Variants in SPECC1 observed in about 807,000 individuals in gnomAD.
SPECC1 encodes sperm antigen with calponin homology and coiled-coil domains 1.
SPECC1 carries 62 observed loss-of-function variants against 104.1 expected under a neutral mutation model. The ratio of observed to expected loss-of-function variants is 0.60; its 90% confidence interval spans 0.49 to 0.74. The LOEUF (loss-of-function observed/expected upper bound fraction) is 0.74, where lower values mean the gene tolerates loss of function less well. Ranked by LOEUF, SPECC1 falls within the 30% of genes least tolerant of loss-of-function variation. The probability of loss-of-function intolerance (pLI) is 0.00; values close to 1 mark genes in which losing one functional copy is unlikely to be tolerated. For synonymous variants in SPECC1, 513 were observed against 501.6 expected, an observed-to-expected ratio of 1.02 and a Z score of -0.30; for missense variants, 1,306 against 1,310.5, an observed-to-expected ratio of 1.00 and a Z score of 0.05.
intron 9 of SPECC1, among the ~76,000 whole-genome samples, chr17:20,248,227 A>G (rs2039496329): frequency 6.6e-6 from 1 of 151,850 alleles, no homozygotes; most frequent in African/African-American, 2.4e-5. Context: ...GAAGCCTTAC[A>G]CTCCCTTGCA....
At chr17:20,045,654 A>G (rs1597609517) in intron 1 of SPECC1, among the ~76,000 whole-genome samples, 1 of 152,166 alleles carries the variant, frequency 6.6e-6, no homozygotes, top group East Asian at 1.9e-4. Flanking sequence ...GGACATCTGT[A>G]TCCCACAGAA....
chr17:20,205,332 A>G lies in SPECC1; in HGVS notation c.1283A>G (p.Gln428Arg). Residue 428 changes from glutamine to arginine, a missense_variant, in exon 4 of 15, where the codon CAG becomes CGG. By Grantham distance (43) the Gln-to-Arg change is conservative. Coordinates refer to ENST00000395527, the MANE Select transcript of SPECC1 (RefSeq NM_001243439.2). ...EKTILETSFH[Q>R]HRERAEQLSQ... ...ACGATTTTAGAGACATCCTTTCATC[A>G]GCATCGAGAGAGGGCAGAGCAGCTA... 16 of 1,614,264 alleles carry G rather than the reference A, an allele frequency of 9.9e-6. No individual in the cohort carries two copies. The highest frequency in any genetic ancestry group is 1.4e-5 in the Non-Finnish European group (16 of 1,180,052).
intron 2 of SPECC1, among the ~76,000 whole-genome samples, chr17:20,109,249 C>T (rs2048368748): frequency 6.6e-6 from 1 of 152,246 alleles, no homozygotes; most frequent in African/African-American, 2.4e-5. Context: ...CTTTTCCCTT[C>T]AGCCTGTGTG....
At chr17:20,182,762 G>C (rs1451575175) in intron 3 of SPECC1, among the ~76,000 whole-genome samples, 1 of 152,170 alleles carries the variant, frequency 6.6e-6, no homozygotes, top group Non-Finnish European at 1.5e-5. Context: ...AGAGGAAAGG[G>C]GTGAAGAAAG....
intron 1 of SPECC1, among the ~76,000 whole-genome samples, chr17:20,093,314 A>G (rs2047486576): frequency 1.3e-5 from 2 of 152,192 alleles, no homozygotes; most frequent in Non-Finnish European, 2.9e-5. Context: ...TACATTGATG[A>G]GGGCTCTGCC....
At chr17:20,155,033 G>GCTTCCCTCTTCT (rs1213946599) in intron 3 of SPECC1, among the ~76,000 whole-genome samples, 5 of 152,184 alleles carry the variant, frequency 3.3e-5, no homozygotes, top group African/African-American at 1.2e-4. Flanking sequence ...TCTGGAGTTA[G>GCTTCCCTCTTCT]AAGAGGGAAC....
chr17:20,317,451 GT>G lies in SPECC1; in HGVS notation c.*3389del, dbSNP rs930051324. 2.3e-5 allele frequency: 4 copies of G among 176,962 alleles called. No individual in the cohort carries two copies. The highest frequency in any genetic ancestry group is 4.8e-5 in the Non-Finnish European group (4 of 82,648). 11.0% of individuals were successfully genotyped at this position (176,962 alleles called of 1,614,324 possible). Reference sequence around the variant, plus strand: ...TATTTTTGTATTTTTAGTAGAAACAGTTTCACCATGTTGGCCAGGCTGGTCT... The same window carrying G: ...TATTTTTGTATTTTTAGTAGAAACAGTTCACCATGTTGGCCAGGCTGGTCT... On this transcript the variant is annotated 3_prime_UTR_variant, in exon 15 of 15. Transcript: ENST00000395527.
chr17:20,221,004 G>A (rs1567955543), intron 4 of SPECC1, among the ~76,000 whole-genome samples: 1 of 152,120 alleles, frequency 6.6e-6, no homozygotes, highest in African/African-American at 2.4e-5. Context: ...GCATCCCTAG[G>A]ATAAATCCCA....
At chr17:20,297,762 T>G (rs1049167992) in intron 13 of SPECC1, among the ~76,000 whole-genome samples, 1 of 152,136 alleles carries the variant, frequency 6.6e-6, no homozygotes, top group Non-Finnish European at 1.5e-5. Context: ...ACCTAGAACC[T>G]CCTACAAAAT....
intron 1 of SPECC1, among the ~76,000 whole-genome samples, chr17:20,045,834 C>T (rs2045518184): frequency 6.6e-6 from 1 of 152,098 alleles, no homozygotes; most frequent in African/African-American, 2.4e-5. Flanking sequence ...GTTTTTTGGG[C>T]TGGGGGAGGT....
chr17:20,029,885 C>G (rs570281804), intron 1 of SPECC1, among the ~76,000 whole-genome samples: 1 of 152,040 alleles, frequency 6.6e-6, no homozygotes, highest in South Asian at 2.1e-4. Context: ...CCATTTTTCT[C>G]CTTTTGATTT....
intron 12 of SPECC1, among the ~76,000 whole-genome samples, chr17:20,289,575 G>C (rs1000694242): frequency 1.3e-5 from 2 of 152,216 alleles, no homozygotes; most frequent in African/African-American, 4.8e-5. Context: ...AAAGTGCTGG[G>C]ATTAACAAGC....
At chr17:20,250,289 T>C (rs2151556235) in intron 9 of SPECC1, among the ~76,000 whole-genome samples, 1 of 152,300 alleles carries the variant, frequency 6.6e-6, no homozygotes, top group East Asian at 1.9e-4. Context: ...TGTTTTTTCC[T>C]AGGATACTTG....
chr17:20,100,069 T>A (rs927735223), intron 2 of SPECC1, among the ~76,000 whole-genome samples: 1 of 152,230 alleles, frequency 6.6e-6, no homozygotes, highest in Non-Finnish European at 1.5e-5. Flanking sequence ...TGTGTCATTT[T>A]AAATTTTTTT....
intron 5 of SPECC1, among the ~76,000 whole-genome samples, chr17:20,229,682 TAAAA>T (rs894931317): frequency 2.0e-5 from 3 of 151,596 alleles, no homozygotes; most frequent in Non-Finnish European, 4.4e-5. Context: ...TCTAAAAAAA[TAAAA>T]AAACCAAACC....
chr17:20,237,133 A>T (rs1284302828), intron 7 of SPECC1: 12 of 1,382,172 alleles, frequency 8.7e-6, no homozygotes, highest in Non-Finnish European at 1.0e-5. Flanking sequence ...CAGAAGATTG[A>T]GCTGTCTTTT....
Position 20,195,952 on chromosome 17 carries a change from A to G in SPECC1, c.284-8381A>G, listed in dbSNP as rs529012610. 5.1e-4 allele frequency among the ~76,000 whole-genome samples: 78 copies of G among 152,248 alleles called. 1 individual carries two copies. Among genetic ancestry groups the G allele is most frequent in the East Asian group, 3.5e-3 (18 of 5,168 alleles). On this transcript the variant is annotated intron_variant, in intron 3 of 14. Transcript: ENST00000395527. ...GAATAATACCCCTTTAATTTAGCCA[A>G]TGTCCACACACTGGCTATTTTAATT...
At chr17:20,083,009 C>T (rs2047042928) in intron 1 of SPECC1, among the ~76,000 whole-genome samples, 1 of 150,808 alleles carries the variant, frequency 6.6e-6, no homozygotes, top group Admixed American at 6.6e-5. Flanking sequence ...TTCGTTCATT[C>T]ATCCATCTAA....
At position 20,045,464 on chromosome 17, in the gene SPECC1, A is replaced by G. The variant is rs116044023; in HGVS notation, c.-22+36040A>G. Among the ~76,000 whole-genome samples the G allele has an allele frequency of 4.5e-3, 685 of 152,290 alleles. 4 individuals are homozygous for G. The highest frequency in any genetic ancestry group is 0.016 in the African/African-American group (649 of 41,538). ...GGAATTACTGAAACAAAAGTTGTGGATATTTATGTTTTGCCAGTTGTTCTA... is the reference window on the plus strand; with the variant it reads ...GGAATTACTGAAACAAAAGTTGTGGGTATTTATGTTTTGCCAGTTGTTCTA... On this transcript the variant is annotated intron_variant, in intron 1 of 14. Coordinates refer to ENST00000395527, the MANE Select transcript of SPECC1 (RefSeq NM_001243439.2).
Sources: allele counts gnomAD v4.1 joint callset (sites outside exome capture counted in the v4.1 genomes callset), GRCh38; gene constraint gnomAD v4.1.1; transcripts MANE v1.5; gene names NCBI Gene and HGNC (gene_info 2026-07-23, HGNC 2026-07-21).